Variants in STK31 observed in about 807,000 individuals in gnomAD.
STK31 encodes the protein serine/threonine kinase 31, also known as serine/threonine-protein kinase 31.
STK31 carries 89 observed loss-of-function variants against 129.7 expected under a neutral mutation model. The ratio of observed to expected loss-of-function variants is 0.69; its 90% CI spans 0.58 to 0.82. The LOEUF is 0.82. Ranked by LOEUF, STK31 falls within the 40% of genes least tolerant of loss-of-function variation. STK31 has a pLI of 0.00. For missense variants in STK31, 1,187 were observed against 1,176.4 expected (o/e 1.01, Z -0.13); for synonymous variants, 448 against 395.3 (o/e 1.13, Z -1.58).
intron 8 of STK31, among the ~76,000 whole-genome samples, chr7:23,743,768 A>G (rs1788189938): frequency 6.6e-6 from 1 of 152,036 alleles, no homozygotes; most frequent in African/African-American, 2.4e-5. Flanking sequence ...TGAAAATTCA[A>G]ATACTTGTTT....
chr7:23,770,499 A>G (rs1332367218), intron 13 of STK31, among the ~76,000 whole-genome samples: 2 of 152,152 alleles, frequency 1.3e-5, no homozygotes, highest in Non-Finnish European at 2.9e-5. Context: ...GAAGGTCTAT[A>G]TATTGTTTAT....
At chr7:23,808,485 G>T (rs955537144) in intron 22 of STK31, among the ~76,000 whole-genome samples, 4 of 152,010 alleles carry the variant, frequency 2.6e-5, no homozygotes, top group Admixed American at 2.6e-4. Context: ...TGCCAACACC[G>T]TGGGGAGTGG....
chr7:23,828,586 GCTGCACCCACTGTC>G (rs976680312), intron 23 of STK31, among the ~76,000 whole-genome samples: 78 of 152,266 alleles, frequency 5.1e-4, no homozygotes, highest in African/African-American at 1.9e-3. Flanking sequence ...CGCATGGTGC[GCTGCACCCACTGTC>G]CTGCACCCAC....
At chr7:23,710,888 G>A (rs1245018297) in intron 1 of STK31, 19 of 754,526 alleles carry the variant, frequency 2.5e-5, no homozygotes, top group Non-Finnish European at 3.1e-5. Flanking sequence ...TGCTTTCCGT[G>A]GGAATATATA....
chr7:23,819,779 C>CTCCGCAGGTGG (rs70939859), intron 23 of STK31, among the ~76,000 whole-genome samples: 1 of 151,556 alleles, frequency 6.6e-6, no homozygotes, highest in East Asian at 1.9e-4. Context: ...ACTAAGGTGT[C>CTCCGCAGGTGG]AAATAATGGA....
rs1265832416 is a variant in STK31, at chr7:23,810,716, G to T, written c.2761-4428G>T. On this transcript the variant is annotated intron_variant, in intron 22 of 23. Transcript: ENST00000355870. ...ATATAAAATAGATATATATAAAATA[G>T]ATATATATAAAATAGATATATATAA... 8.2e-3 allele frequency among the ~76,000 whole-genome samples: 312 copies of T among 38,160 alleles called. 3 individuals are homozygous for T. Among genetic ancestry groups the T allele is most frequent in the African/African-American group, 0.036 (300 of 8,416 alleles). 25.0% of individuals were successfully genotyped at this position (38,160 alleles called of 152,430 possible).
intron 23 of STK31, among the ~76,000 whole-genome samples, chr7:23,822,086 G>C (rs1584502000): frequency 6.6e-6 from 1 of 152,148 alleles, no homozygotes; most frequent in African/African-American, 2.4e-5. Flanking sequence ...CTCCACCTTT[G>C]TTCTTTTTGC....
chr7:23,770,504 G>T (rs1790114780), intron 13 of STK31, among the ~76,000 whole-genome samples: 3 of 152,086 alleles, frequency 2.0e-5, no homozygotes, highest in African/African-American at 7.2e-5. Context: ...TCTATATATT[G>T]TTTATAGTTC....
At chr7:23,711,447 T>TA (rs1487494949) in intron 1 of STK31, among the ~76,000 whole-genome samples, 10 of 149,750 alleles carry the variant, frequency 6.7e-5, no homozygotes, top group East Asian at 5.8e-4. Flanking sequence ...AAAAAACCCA[T>TA]AAAAAATCTG....
intron 13 of STK31, among the ~76,000 whole-genome samples, chr7:23,770,498 T>A (rs918864908): frequency 2.0e-5 from 3 of 152,186 alleles, no homozygotes; most frequent in Non-Finnish European, 2.9e-5. Flanking sequence ...TGAAGGTCTA[T>A]ATATTGTTTA....
At chr7:23,810,783 T>TGTAC (rs1359288882) in intron 22 of STK31, among the ~76,000 whole-genome samples, 110 of 126,904 alleles carry the variant, frequency 8.7e-4, no homozygotes, top group African/African-American at 3.2e-3. Context: ...ATATATTATA[T>TGTAC]ATAAATATAT....
At chr7:23,830,727 C>T (rs1035538314) in intron 23 of STK31, among the ~76,000 whole-genome samples, 2 of 151,984 alleles carry the variant, frequency 1.3e-5, no homozygotes, top group African/African-American at 2.4e-5. Context: ...ACAAGCAATT[C>T]TCCTGCCTCA....
chr7:23,710,216 C>T (rs1016351859), upstream of STK31: 37 of 1,610,306 alleles, frequency 2.3e-5, no homozygotes, highest in Admixed American at 8.4e-5. Flanking sequence ...GTGTGGGGCC[C>T]TTGCGGTCGA....
Position 23,785,497 on chromosome 7 carries a change from C to A in STK31, c.2168C>A (p.Thr723Lys). ...GCCTAGAACTCTGGTGGTCTCCTTA[C>A]AATGAGCTTGGAACGAGATCTTCTT... ...LKYMNSGGLL[T>K]MSLERDLLDA... The change falls in exon 18 of 24, where the codon ACA becomes AAA. Residue 723 changes from threonine (T) to lysine (K), a missense_variant. Coordinates refer to ENST00000355870, the MANE Select transcript of STK31 (RefSeq NM_031414.5). 1.2e-6 allele frequency: 2 copies of A among 1,613,796 alleles called. No homozygotes were observed. Among genetic ancestry groups the A allele is most frequent in the Non-Finnish European group, 1.7e-6 (2 of 1,179,796 alleles).
At chr7:23,802,759 C>G (rs1792459367) in intron 22 of STK31, among the ~76,000 whole-genome samples, 1 of 152,194 alleles carries the variant, frequency 6.6e-6, no homozygotes, top group Non-Finnish European at 1.5e-5. Flanking sequence ...AGTGATCCAC[C>G]TGCCTTGGCC....
At chr7:23,795,984 T>C (rs1392438732) in intron 22 of STK31, among the ~76,000 whole-genome samples, 2 of 152,240 alleles carry the variant, frequency 1.3e-5, no homozygotes, top group African/African-American at 2.4e-5. Flanking sequence ...TGTGGACTTT[T>C]GACTTAATGC....
chr7:23,768,620 A>G (rs999100858), intron 11 of STK31, among the ~76,000 whole-genome samples: 6 of 152,182 alleles, frequency 3.9e-5, no homozygotes, highest in African/African-American at 1.4e-4. Context: ...GTACATTTGG[A>G]TGATAGATAC....
chr7:23,788,129 G>A lies in STK31; in HGVS notation c.2637G>A (p.Val879=). The change falls in exon 21 of 24, where the codon GTG becomes GTA. Residue 879 remains valine (V), a splice_region_variant and synonymous_variant. Coordinates refer to ENST00000355870, the MANE Select transcript of STK31 (RefSeq NM_031414.5). ...GAGATTTTGACTTCACCAAATCTGTGGTAAGATATCATGGTTTTACAAATA... is the reference window on the plus strand; with the variant it reads ...GAGATTTTGACTTCACCAAATCTGTAGTAAGATATCATGGTTTTACAAATA... The part of the protein sequence containing the change: ...IVGDFDFTKS[V]SQRASVNMMV... 1 of 1,606,268 alleles carries A rather than the reference G, an allele frequency of 6.2e-7. No individual in the cohort carries two copies. Among genetic ancestry groups the A allele is most frequent in the Non-Finnish European group, 8.5e-7 (1 of 1,176,834 alleles).
intron 11 of STK31, among the ~76,000 whole-genome samples, chr7:23,764,050 A>C (rs181280145): frequency 5.6e-4 from 86 of 152,288 alleles, no homozygotes; most frequent in Admixed American, 2.9e-3. Flanking sequence ...CTGCTGGATG[A>C]AGATGTAGTT....
Sources: allele counts gnomAD v4.1 joint callset (sites outside exome capture counted in the v4.1 genomes callset), GRCh38; gene constraint gnomAD v4.1.1; transcripts MANE v1.5; gene names NCBI Gene and HGNC (gene_info 2026-07-23, HGNC 2026-07-21).